Variants in KHDRBS2 observed in about 807,000 individuals in gnomAD.
KHDRBS2 encodes the protein KH RNA binding domain containing, signal transduction associated 2.
Under a neutral mutation model 44.3 loss-of-function variants are expected in KHDRBS2, and 26 were observed. The observed-to-expected ratio is 0.59, with a 90% CI of 0.43 to 0.81. KHDRBS2 has a LOEUF of 0.81. Among genes scored for constraint, KHDRBS2 ranks in the 40% least tolerant of loss-of-function variants. KHDRBS2 has a pLI of 0.00. For synonymous variants in KHDRBS2, 194 were observed against 151.1 expected, an observed-to-expected ratio of 1.28 and a Z score of -2.08; for missense variants, 476 against 433.1, an observed-to-expected ratio of 1.10 and a Z score of -0.88.
intron 2 of KHDRBS2, among the ~76,000 whole-genome samples, chr6:62,078,136 C>T (rs141993663): frequency 3.3e-5 from 5 of 152,016 alleles, no homozygotes; most frequent in East Asian, 3.9e-4. Context: ...CACAGTTTTG[C>T]GATTCACTCT....
At chr6:62,180,884 C>T (rs185652720) in intron 1 of KHDRBS2, among the ~76,000 whole-genome samples, 37 of 151,800 alleles carry the variant, frequency 2.4e-4, no homozygotes, top group Admixed American at 1.6e-3. Flanking sequence ...AGACATGAAT[C>T]TATACATGTA....
chr6:61,680,839 G>T lies in KHDRBS2; in HGVS notation c.*124C>A. 1 of 613,620 alleles carries T rather than the reference G, an allele frequency of 1.6e-6. No homozygotes were observed. Among genetic ancestry groups the T allele is most frequent in the Non-Finnish European group, 2.9e-6 (1 of 339,936 alleles). The allele number at this position is 613,620 out of a possible 1,614,324, so 38.0% of individuals were successfully genotyped here. A position where few individuals can be genotyped will look rare whatever the true frequency, so the allele number is the denominator to read the frequency against. On this transcript the variant is annotated 3_prime_UTR_variant, in exon 9 of 9. Coordinates refer to ENST00000281156, the MANE Select transcript of KHDRBS2 (RefSeq NM_152688.4). ...TAGAAATATATGGGAGTAATCATGA[G>T]CAGTTATCCCTAGAATAGAAACAAA...
downstream of KHDRBS2, among the ~76,000 whole-genome samples, chr6:61,676,656 C>T (rs554691502): frequency 2.0e-5 from 3 of 151,808 alleles, no homozygotes; most frequent in Non-Finnish European, 4.4e-5. Flanking sequence ...TGCAGTGAAA[C>T]ATCCTATAGA....
intron 2 of KHDRBS2, among the ~76,000 whole-genome samples, chr6:62,130,936 T>G (rs574804068): frequency 1.3e-5 from 2 of 152,046 alleles, no homozygotes; most frequent in African/African-American, 4.8e-5. Context: ...ATGGTAAAGT[T>G]GAAAAATTAT....
intron 8 of KHDRBS2, among the ~76,000 whole-genome samples, chr6:61,690,175 G>T (rs1328446338): frequency 2.0e-5 from 3 of 151,812 alleles, no homozygotes. Context: ...GATTTCCTAA[G>T]GTGGCATATC....
At chr6:61,623,642 C>A in the KHDRBS2 span, among the ~76,000 whole-genome samples, 1 of 152,240 alleles carries the variant, frequency 6.6e-6, no homozygotes, top group East Asian at 1.9e-4. Flanking sequence ...TAAGCCTGAG[C>A]AGAATAAGAG....
intron 1 of KHDRBS2, among the ~76,000 whole-genome samples, chr6:62,214,355 T>A (rs1263444225): frequency 6.6e-6 from 1 of 152,158 alleles, no homozygotes; most frequent in Non-Finnish European, 1.5e-5. Flanking sequence ...GTATTATTAG[T>A]TTTTTAAATA....
At chr6:61,585,951 G>A in the KHDRBS2 span, among the ~76,000 whole-genome samples, 8 of 152,142 alleles carry the variant, frequency 5.3e-5, no homozygotes, top group African/African-American at 1.9e-4. Context: ...TCATGAATGA[G>A]AAAGCATGAT....
In KHDRBS2 at chr6:61,718,638, T is replaced by A. The variant is rs1253559705; in HGVS notation, c.893+14044A>T. 2.6e-5 allele frequency among the ~76,000 whole-genome samples: 4 copies of A among 151,998 alleles called. No individual in the cohort carries two copies. In the East Asian group the frequency reaches 7.8e-4, roughly 29 times the overall value. ...ACTGGCAGGAGAAAGGAGAGTGAGA[T>A]CAGGATAGAAACTCCCTGTACTTCC... On this transcript the variant is annotated intron_variant, in intron 7 of 8. Transcript: ENST00000281156.
At chr6:61,783,978 T>C (rs2127582456) in intron 6 of KHDRBS2, among the ~76,000 whole-genome samples, 1 of 152,130 alleles carries the variant, frequency 6.6e-6, no homozygotes, top group East Asian at 1.9e-4. Flanking sequence ...CATTCATTTC[T>C]TATTAAAGAA....
At chr6:61,581,854 G>A in the KHDRBS2 span, among the ~76,000 whole-genome samples, 1 of 151,386 alleles carries the variant, frequency 6.6e-6, no homozygotes, top group Admixed American at 6.6e-5. Flanking sequence ...AAGAGTATAT[G>A]AAGTGCTCAT....
At chr6:61,857,157 C>T (rs975786685) in intron 6 of KHDRBS2, among the ~76,000 whole-genome samples, 1 of 151,940 alleles carries the variant, frequency 6.6e-6, no homozygotes, top group Non-Finnish European at 1.5e-5. Flanking sequence ...CTTTTCTTTT[C>T]TTTTTAAGAT....
At chr6:61,756,457 G>A (rs1300615278) in intron 6 of KHDRBS2, among the ~76,000 whole-genome samples, 23 of 151,888 alleles carry the variant, frequency 1.5e-4, no homozygotes, top group Non-Finnish European at 2.5e-4. Flanking sequence ...AGGGGGTTTC[G>A]CCATGTTGAC....
chr6:62,055,730 C>T (rs1790129009), intron 2 of KHDRBS2, among the ~76,000 whole-genome samples: 2 of 152,000 alleles, frequency 1.3e-5, no homozygotes, highest in South Asian at 4.1e-4. Flanking sequence ...CTTTTCAGAT[C>T]CCTTTCCACG....
the KHDRBS2 span, among the ~76,000 whole-genome samples, chr6:61,579,508 T>A: frequency 1.3e-5 from 2 of 152,182 alleles, no homozygotes; most frequent in South Asian, 4.1e-4. Flanking sequence ...CATTGTTTAC[T>A]CAGTAATGCA....
intron 6 of KHDRBS2, among the ~76,000 whole-genome samples, chr6:61,741,491 G>A (rs1379698142): frequency 6.6e-6 from 1 of 151,900 alleles, no homozygotes; most frequent in Non-Finnish European, 1.5e-5. Flanking sequence ...TTTTATTCTA[G>A]ATTAAGGGGG....
intron 1 of KHDRBS2, among the ~76,000 whole-genome samples, chr6:62,255,458 C>G (rs879257707): frequency 7.2e-5 from 11 of 151,950 alleles, no homozygotes; most frequent in Non-Finnish European, 1.3e-4. Flanking sequence ...GGATGTAACA[C>G]TAAGAAACAC....
chr6:61,548,836 C>A, the KHDRBS2 span, among the ~76,000 whole-genome samples: 1 of 152,064 alleles, frequency 6.6e-6, no homozygotes, highest in South Asian at 2.1e-4. Context: ...CCATTAATAT[C>A]AACCTAGACC....
At chr6:61,892,043 T>A (rs1183683044) in intron 6 of KHDRBS2, among the ~76,000 whole-genome samples, 1 of 152,180 alleles carries the variant, frequency 6.6e-6, no homozygotes, top group Non-Finnish European at 1.5e-5. Flanking sequence ...AATAAGCAAC[T>A]TCAGCAAAGT....
Sources: gnomAD v4.1 joint callset for allele counts (sites outside exome capture counted in the v4.1 genomes callset) on GRCh38, gnomAD v4.1.1 for gene constraint, MANE v1.5 for transcripts, NCBI Gene and HGNC (gene_info 2026-07-23, HGNC 2026-07-21) for gene names.